USH2A: variants seen among roughly 807,000 people sequenced by gnomAD.
USH2A encodes Usher syndrome 2A (autosomal recessive, mild).
Under a neutral mutation model 538.9 loss-of-function variants are expected in USH2A, and 443 were observed. The observed-to-expected ratio is 0.82, with a 90% CI of 0.76 to 0.89. USH2A has a LOEUF of 0.89. Among genes scored for constraint, USH2A ranks in the 40% least tolerant of loss-of-function variants. The pLI, the probability that USH2A is intolerant of heterozygous loss-of-function variation, is 0.00. For synonymous variants in USH2A, 2,413 were observed against 2,273.5 expected (o/e 1.06, Z -1.75); for missense variants, 6,633 against 6,324.8 (o/e 1.05, Z -1.65).
chr1:216,060,712 A>G (rs912230235), intron 30 of USH2A, among the ~76,000 whole-genome samples: 2 of 152,244 alleles, frequency 1.3e-5, no homozygotes, highest in Admixed American at 1.3e-4. Context: ...ACTTGATGCC[A>G]GGTGCTGTAG....
chr1:216,258,486 G>A (rs544087810), intron 11 of USH2A, among the ~76,000 whole-genome samples: 32 of 152,148 alleles, frequency 2.1e-4, no homozygotes, highest in African/African-American at 7.5e-4. Flanking sequence ...ATGCTCTGTA[G>A]ATCTGTGAAA....
intron 13 of USH2A, among the ~76,000 whole-genome samples, chr1:216,240,741 A>G (rs1049302572): frequency 1.3e-5 from 2 of 152,168 alleles, no homozygotes; most frequent in South Asian, 4.1e-4. Context: ...TTCAGAAGCT[A>G]CTAGAACATG....
At chr1:215,817,275 A>G (rs2102796663) in intron 47 of USH2A, 80 bp from the exon 48 acceptor site, 1 of 1,063,234 alleles carries the variant, frequency 9.4e-7, no homozygotes, top group Non-Finnish European at 1.4e-6. Context: ...AAAAAGTGGC[A>G]GCAATAGATA....
chr1:215,747,065 A>G (rs779855343), intron 58 of USH2A, among the ~76,000 whole-genome samples: 6 of 152,222 alleles, frequency 3.9e-5, no homozygotes, highest in Non-Finnish European at 8.8e-5. Flanking sequence ...CACAGAATGA[A>G]CCAACTGTAG....
chr1:215,691,100 T>C (rs1571961386), intron 61 of USH2A, among the ~76,000 whole-genome samples: 1 of 152,158 alleles, frequency 6.6e-6, no homozygotes, highest in South Asian at 2.1e-4. Flanking sequence ...GCCAGGCTGG[T>C]CTCGAACTCC....
intron 21 of USH2A, among the ~76,000 whole-genome samples, chr1:216,147,285 A>G (rs1308929573): frequency 6.6e-6 from 1 of 151,770 alleles, no homozygotes; most frequent in Non-Finnish European, 1.5e-5. Flanking sequence ...CCTCCACCCT[A>G]TAATCTTTTT....
intron 13 of USH2A, among the ~76,000 whole-genome samples, chr1:216,236,704 G>A (rs1218211938): frequency 6.6e-6 from 1 of 152,130 alleles, no homozygotes; most frequent in Non-Finnish European, 1.5e-5. Flanking sequence ...AGAGAGGAGT[G>A]TATATGGATC....
At position 215,625,825 on chromosome 1, in the gene USH2A, A is replaced by G. The variant is rs371336117; in HGVS notation, c.15565T>C (p.Ser5189Pro). The G allele has an allele frequency of 1.2e-6, 2 of 1,614,002 alleles. No individual in the cohort carries two copies. The highest frequency in any genetic ancestry group is 1.7e-6 in the Non-Finnish European group (2 of 1,179,994). ...DLMNAIKDFS[S>P]VTKERTTFTD... ...AATGTGGTGCGTTCCTTAGTCACTGAGCTGAAATCCTTGATGGCGTTCATC... is the reference window on the plus strand; with the variant it reads ...AATGTGGTGCGTTCCTTAGTCACTGGGCTGAAATCCTTGATGGCGTTCATC... The change falls in exon 72 of 72, where the codon TCA (serine) becomes CCA (proline). Residue 5189 changes from serine (S) to proline (P), a missense_variant. Ser to Pro is a moderately conservative substitution (Grantham distance 74, BLOSUM62 -1). Coordinates refer to ENST00000307340, the MANE Select transcript of USH2A (RefSeq NM_206933.4).
At chr1:215,990,172 T>C (rs913748790) in intron 35 of USH2A, among the ~76,000 whole-genome samples, 3 of 152,186 alleles carry the variant, frequency 2.0e-5, no homozygotes, top group Non-Finnish European at 4.4e-5. Context: ...ACCATTAACT[T>C]TGAATTGGGC....
chr1:216,317,458 C>A (rs902158799), intron 9 of USH2A, among the ~76,000 whole-genome samples: 1 of 151,970 alleles, frequency 6.6e-6, no homozygotes, highest in Non-Finnish European at 1.5e-5. Context: ...GACTTAATAC[C>A]TAGGTGAGGG....
At chr1:215,698,196 A>G (rs1259038875) in intron 61 of USH2A, among the ~76,000 whole-genome samples, 1 of 152,104 alleles carries the variant, frequency 6.6e-6, no homozygotes, top group Non-Finnish European at 1.5e-5. Context: ...CATGGTGTAT[A>G]TGTACCATAT....
chr1:216,246,757 A>G lies in USH2A; in HGVS notation c.2637T>C (p.Cys879=). The G allele has an allele frequency of 1.2e-6, 2 of 1,614,146 alleles. No individual in the cohort carries two copies. Among genetic ancestry groups the G allele is most frequent in the Non-Finnish European group, 1.7e-6 (2 of 1,179,988 alleles). ...TGTACCTGTGAGGCTCACACTGATTACAGCGAAGACCTGTTACCCCTAATT... is the reference window on the plus strand; with the variant it reads ...TGTACCTGTGAGGCTCACACTGATTGCAGCGAAGACCTGTTACCCCTAATT... The part of the protein sequence containing the change: ...PCKLGVTGLR[C]NQCEPHRYNL... The change falls in exon 13 of 72, where the codon TGT becomes TGC. Residue 879 remains cysteine, a synonymous_variant. Transcript: ENST00000307340.
intron 9 of USH2A, among the ~76,000 whole-genome samples, chr1:216,315,336 G>C (rs544112483): frequency 6.6e-6 from 1 of 152,222 alleles, no homozygotes; most frequent in Non-Finnish European, 1.5e-5. Context: ...GGATTTAAAA[G>C]CCTATGTACG....
intron 61 of USH2A, among the ~76,000 whole-genome samples, chr1:215,718,641 C>T (rs1659556247): frequency 6.6e-6 from 1 of 152,190 alleles, no homozygotes; most frequent in Non-Finnish European, 1.5e-5. Context: ...CTTTTATCGG[C>T]TGTGAACCAT....
intron 63 of USH2A, among the ~76,000 whole-genome samples, chr1:215,672,249 T>G (rs1657840436): frequency 6.6e-6 from 1 of 152,204 alleles, no homozygotes; most frequent in Non-Finnish European, 1.5e-5. Flanking sequence ...AGCTATCTTC[T>G]TTCTACCTTT....
At chr1:215,892,870 T>C (rs1003765342) in intron 40 of USH2A, among the ~76,000 whole-genome samples, 1 of 152,170 alleles carries the variant, frequency 6.6e-6, no homozygotes, top group Non-Finnish European at 1.5e-5. Flanking sequence ...CATTATTTGA[T>C]AGTTTGCAAA....
intron 67 of USH2A, 58 bp from the exon 68 acceptor site, chr1:215,640,792 G>A (rs1656654777): frequency 2.2e-6 from 3 of 1,387,758 alleles, no homozygotes; most frequent in Non-Finnish European, 3.0e-6. Flanking sequence ...GAGTGCAGGT[G>A]TGCACTTTAA....
At position 216,277,454 on chromosome 1, in the gene USH2A, C is replaced by A. The variant is rs79342646; in HGVS notation, c.1971+11826G>T. Among the ~76,000 whole-genome samples the A allele has an allele frequency of 2.2e-3, 337 of 152,208 alleles. 2 individuals carry two copies. Among genetic ancestry groups the A allele is most frequent in the African/African-American group, 7.7e-3 (318 of 41,540 alleles). ...TCCACCTCCAAGCAGGTAGTCCCAC[C>A]AATATTAATGGCTTGGCACCCCTGA... On this transcript the variant is annotated intron_variant, in intron 11 of 71. Coordinates refer to ENST00000307340, the MANE Select transcript of USH2A (RefSeq NM_206933.4).
intron 14 of USH2A, among the ~76,000 whole-genome samples, chr1:216,222,012 A>G (rs1457932543): frequency 1.3e-5 from 2 of 152,220 alleles, no homozygotes; most frequent in African/African-American, 2.4e-5. Flanking sequence ...TTTTAGTTCC[A>G]TGTTTTGGAG....
Sources: allele counts gnomAD v4.1 joint callset (sites outside exome capture counted in the v4.1 genomes callset), GRCh38; gene constraint gnomAD v4.1.1; transcripts MANE v1.5; gene names NCBI Gene and HGNC (gene_info 2026-07-23, HGNC 2026-07-21).